The following RSBN1L variants were observed in gnomAD, a reference collection of about 807,000 sequenced individuals.
The protein encoded by RSBN1L is round spermatid basic protein 1 like.
In RSBN1L, 30 loss-of-function variants were observed where a neutral mutation model predicts 67.7. That is an observed-to-expected ratio of 0.44 (90% confidence interval 0.33 to 0.60). RSBN1L has a LOEUF of 0.60. RSBN1L is among the 20% of genes least tolerant of loss of function. RSBN1L has a pLI of 0.02. For missense variants in RSBN1L, 992 were observed against 1,031.7 expected, an observed-to-expected ratio of 0.96 and a Z score of 0.53; for synonymous variants, 433 against 387.0, an observed-to-expected ratio of 1.12 and a Z score of -1.39.
intron 1 of RSBN1L, among the ~76,000 whole-genome samples, chr7:77,719,473 G>A (rs916096374): frequency 1.3e-5 from 2 of 152,086 alleles, no homozygotes; most frequent in African/African-American, 4.8e-5. Context: ...GGACTTAGAG[G>A]TCTAAGAATG....
At chr7:77,738,808 G>A (rs1791368911) in intron 2 of RSBN1L, among the ~76,000 whole-genome samples, 1 of 151,922 alleles carries the variant, frequency 6.6e-6, no homozygotes, top group Non-Finnish European at 1.5e-5. Context: ...AAATTACGGT[G>A]GGTGCCTGTA....
intron 4 of RSBN1L, among the ~76,000 whole-genome samples, chr7:77,766,348 C>T (rs1359044282): frequency 6.6e-6 from 1 of 152,116 alleles, no homozygotes; most frequent in Non-Finnish European, 1.5e-5. Flanking sequence ...TCATGCCCAG[C>T]TAACTTTTGT....
intron 2 of RSBN1L, among the ~76,000 whole-genome samples, chr7:77,744,986 GCA>G (rs1351918912): frequency 6.6e-6 from 1 of 152,182 alleles, no homozygotes; most frequent in East Asian, 1.9e-4. Context: ...CTGAGGCTGG[GCA>G]CAGTGGCTCA....
chr7:77,725,010 T>G (rs1183149879), intron 1 of RSBN1L, among the ~76,000 whole-genome samples: 2 of 148,168 alleles, frequency 1.3e-5, no homozygotes, highest in Non-Finnish European at 3.0e-5. Flanking sequence ...GCCTGGCTAA[T>G]TTTTTGTATT....
At chr7:77,774,721 A>G (rs1791889082) in intron 6 of RSBN1L, among the ~76,000 whole-genome samples, 1 of 152,210 alleles carries the variant, frequency 6.6e-6, no homozygotes, top group Non-Finnish European at 1.5e-5. Flanking sequence ...TGGGGCGACA[A>G]GAGCAAAACT....
In RSBN1L at chr7:77,782,512, T is replaced by C. The variant is rs962284967; in HGVS notation, c.*3344T>C. 2 of 152,200 alleles carry C rather than the reference T, an allele frequency of 1.3e-5. No homozygotes were observed. The highest frequency in any genetic ancestry group is 4.8e-5 in the African/African-American group (2 of 41,430). 9.4% of individuals were successfully genotyped at this position (152,200 alleles called of 1,614,324 possible). On this transcript the variant is annotated 3_prime_UTR_variant, in exon 8 of 8. Transcript: ENST00000334955. ...AGCAAAAGAATTAACATTTGTGATA[T>C]TTACTTGCAAACTTTACTGAAGCCA...
At chr7:77,734,725 G>A (rs954542273) in intron 1 of RSBN1L, among the ~76,000 whole-genome samples, 1 of 152,082 alleles carries the variant, frequency 6.6e-6, no homozygotes, top group Admixed American at 6.6e-5. Flanking sequence ...CTGACCTCGG[G>A]TGATCCGCCC....
chr7:77,740,882 T>C (rs994578749), intron 2 of RSBN1L, among the ~76,000 whole-genome samples: 7 of 152,086 alleles, frequency 4.6e-5, no homozygotes, highest in African/African-American at 1.7e-4. Context: ...TGGCTCTGAC[T>C]CTATACACGT....
chr7:77,767,189 A>C (rs1791779718), intron 4 of RSBN1L, among the ~76,000 whole-genome samples: 1 of 151,790 alleles, frequency 6.6e-6, no homozygotes, highest in Non-Finnish European at 1.5e-5. Context: ...TCAGCCTCCC[A>C]AAGTGCTGTG....
At chr7:77,704,552 C>T (rs1048354404) in intron 1 of RSBN1L, among the ~76,000 whole-genome samples, 2 of 152,016 alleles carry the variant, frequency 1.3e-5, no homozygotes, top group African/African-American at 4.8e-5. Context: ...GTTTTTTTCA[C>T]CTCCGCTCCT....
chr7:77,724,955 G>A (rs1261486790), intron 1 of RSBN1L, among the ~76,000 whole-genome samples: 2 of 150,254 alleles, frequency 1.3e-5, no homozygotes, highest in Non-Finnish European at 3.0e-5. Context: ...CGGTTCTCCT[G>A]CCTCAGCCTC....
chr7:77,773,435 A>G (rs547200358), intron 6 of RSBN1L, 121 bp downstream of exon 6: 3 of 623,710 alleles, frequency 4.8e-6, no homozygotes, highest in Non-Finnish European at 7.7e-6. Context: ...CCGTATTTGG[A>G]TATCTTAATT....
Position 77,773,309 on chromosome 7 carries a change from A to G in RSBN1L, c.1788A>G (p.Gly596=), listed in dbSNP as rs1366992769. 1.3e-6 allele frequency: 2 copies of G among 1,548,426 alleles called. No homozygotes were observed. The highest frequency in any genetic ancestry group is 2.5e-5 in the South Asian group (2 of 80,466). Reference sequence around the variant, plus strand: ...GAGTGCTGAAGGCTGTGCACTGTGGAGAGTGGTATATATAACTACCGCTAT... The same window carrying G: ...GAGTGCTGAAGGCTGTGCACTGTGGGGAGTGGTATATATAACTACCGCTAT... ...AVGVLKAVHC[G]EWPDQPRITK... Residue 596 remains glycine, a synonymous_variant, in exon 6 of 8, where the codon GGA becomes GGG. Coordinates refer to ENST00000334955, the MANE Select transcript of RSBN1L (RefSeq NM_198467.3).
chr7:77,735,290 A>T (rs1411076609), intron 1 of RSBN1L, among the ~76,000 whole-genome samples: 1 of 152,212 alleles, frequency 6.6e-6, no homozygotes, highest in Non-Finnish European at 1.5e-5. Flanking sequence ...CATAAATGTA[A>T]AATATATGTT....
At chr7:77,718,104 A>G (rs1791071512) in intron 1 of RSBN1L, among the ~76,000 whole-genome samples, 1 of 152,188 alleles carries the variant, frequency 6.6e-6, no homozygotes, top group Admixed American at 6.5e-5. Flanking sequence ...CAGCAAAGAG[A>G]TAAAGGAGTT....
At chr7:77,734,329 ATAAG>A (rs1791305296) in intron 1 of RSBN1L, among the ~76,000 whole-genome samples, 2 of 152,134 alleles carry the variant, frequency 1.3e-5, no homozygotes, top group Non-Finnish European at 1.5e-5. Context: ...GTTTAAGTTG[ATAAG>A]ATTAAATTGA....
chr7:77,726,180 T>C (rs1268650867), intron 1 of RSBN1L, among the ~76,000 whole-genome samples: 2 of 152,244 alleles, frequency 1.3e-5, no homozygotes, highest in Non-Finnish European at 2.9e-5. Context: ...CTAGCACGTT[T>C]ATCATAGTTA....
At position 77,717,177 on chromosome 7, in the gene RSBN1L, A is replaced by G. The variant is rs551849549; in HGVS notation, c.587-19233A>G. On this transcript the variant is annotated intron_variant, in intron 1 of 7. Transcript: ENST00000334955. ...TAGTCTTGCCATGTTGCCTGGACTC[A>G]AGGAATCCTCTCTCCTTGACCTCCC... Among the ~76,000 whole-genome samples, 66 of 151,124 alleles carry G rather than the reference A, an allele frequency of 4.4e-4. No individual in the cohort carries two copies. In the South Asian group the frequency reaches 0.014, roughly 32 times the overall value.
chr7:77,772,275 G>A (rs2150433954), intron 5 of RSBN1L, among the ~76,000 whole-genome samples: 1 of 152,324 alleles, frequency 6.6e-6, no homozygotes, highest in South Asian at 2.1e-4. Context: ...AACCAGTAAG[G>A]AAGAGTGATC....
Sources: allele counts gnomAD v4.1 joint callset (sites outside exome capture counted in the v4.1 genomes callset), GRCh38; gene constraint gnomAD v4.1.1; transcripts MANE v1.5; gene names NCBI Gene and HGNC (gene_info 2026-07-23, HGNC 2026-07-21).